PPP1R14C: variants seen among roughly 807,000 people sequenced by gnomAD.
PPP1R14C encodes the protein protein phosphatase 1 regulatory subunit 14C.
PPP1R14C carries 16 observed loss-of-function variants against 20.4 expected under a neutral mutation model. That is an observed-to-expected ratio of 0.78 (90% CI 0.53 to 1.19). The LOEUF (loss-of-function observed/expected upper bound fraction) is 1.19. Ranked by LOEUF, PPP1R14C falls within the 50% of genes most tolerant of loss-of-function variation. PPP1R14C has a pLI of 0.00. For missense variants in PPP1R14C, 211 were observed against 220.1 expected, an observed-to-expected ratio of 0.96 and a Z score of 0.26; for synonymous variants, 91 against 91.0, an observed-to-expected ratio of 1.00 and a Z score of 0.00.
In PPP1R14C at chr6:150,143,269, C is replaced by A. The variant is rs780915035; in HGVS notation, c.77C>A (p.Pro26His). Residue 26 changes from proline to histidine, a missense_variant, in exon 1 of 4, where the codon CCC (proline) becomes CAC (histidine). Physicochemically the swap from Pro to His is moderately conservative, Grantham distance 77. Transcript: ENST00000361131. The surrounding 1 kb of genome is among the most constrained non-coding windows in gnomAD (Gnocchi z 5.6). ...GGCGCACGGGTTTTCTTCCAAAGCC[C>A]CCGGGGTGGCGCCGGTGGCAGCCCC... Reference protein sequence around the residue: ...GGGARVFFQSPRGGAGGSPGS... With the variant: ...GGGARVFFQSHRGGAGGSPGS... The A allele has an allele frequency of 6.6e-7, 1 of 1,509,156 alleles. No homozygotes were observed. Among genetic ancestry groups the A allele is most frequent in the East Asian group, 2.7e-5 (1 of 36,806 alleles). 93.5% of individuals were successfully genotyped at this position (1,509,156 alleles called of 1,614,324 possible).
At chr6:150,191,319 G>A (rs1042906474) in intron 1 of PPP1R14C, among the ~76,000 whole-genome samples, 1 of 152,230 alleles carries the variant, frequency 6.6e-6, no homozygotes, top group African/African-American at 2.4e-5. Flanking sequence ...AAAGCTAGGA[G>A]TGCAAAGATT....
chr6:150,145,942 A>C (rs1320418720), intron 1 of PPP1R14C, among the ~76,000 whole-genome samples: 5 of 152,224 alleles, frequency 3.3e-5, no homozygotes, highest in South Asian at 2.1e-4. Flanking sequence ...AATAGAAAAT[A>C]ATCTTTTGGA....
At chr6:150,226,096 C>T (rs1319691598) in intron 3 of PPP1R14C, among the ~76,000 whole-genome samples, 1 of 151,926 alleles carries the variant, frequency 6.6e-6, no homozygotes, top group Admixed American at 6.6e-5. Context: ...ATATTCATTC[C>T]CCCCCCAAAT....
At chr6:150,246,239 G>A (rs13207323) in intron 3 of PPP1R14C, among the ~76,000 whole-genome samples, 3,487 of 151,806 alleles carry the variant, frequency 0.023, 55 homozygotes, top group Middle Eastern at 0.051. Context: ...TATTAAAATA[G>A]TGCAGAAAAA....
intron 3 of PPP1R14C, among the ~76,000 whole-genome samples, chr6:150,237,662 A>T (rs868223456): frequency 6.6e-6 from 1 of 152,228 alleles, no homozygotes; most frequent in Non-Finnish European, 1.5e-5. Flanking sequence ...TCATCTCATC[A>T]TTTAATCCTT....
At chr6:150,218,419 A>C (rs1778124571) in intron 3 of PPP1R14C, among the ~76,000 whole-genome samples, 2 of 151,928 alleles carry the variant, frequency 1.3e-5, no homozygotes, top group South Asian at 4.2e-4. Context: ...AAAAAGAAAA[A>C]AGAAAACAAT....
intron 1 of PPP1R14C, among the ~76,000 whole-genome samples, chr6:150,150,143 C>T (rs116115459): frequency 2.2e-3 from 332 of 152,296 alleles, no homozygotes; most frequent in African/African-American, 7.4e-3. Context: ...GGTGATATTC[C>T]TTTATCATAG....
intron 1 of PPP1R14C, among the ~76,000 whole-genome samples, chr6:150,162,045 TTTTC>T (rs1777374917): frequency 7.3e-6 from 1 of 137,786 alleles, no homozygotes; most frequent in South Asian, 2.6e-4. Flanking sequence ...CCTCCGTTTA[TTTTC>T]TTTTCTTTTT....
Position 150,204,455 on chromosome 6 carries a change from T to C in PPP1R14C, c.307-10289T>C, listed in dbSNP as rs377014554. On this transcript the variant is annotated intron_variant, in intron 1 of 3. Coordinates refer to ENST00000361131, the MANE Select transcript of PPP1R14C (RefSeq NM_030949.3). ...TGTGATAAGTCTTCACTTAACGATT[T>C]TCAGGCATCAGGAGTACACGATTCC... is the stretch of plus-strand genomic sequence containing the variant. 3.9e-5 allele frequency among the ~76,000 whole-genome samples: 6 copies of C among 152,350 alleles called. No individual in the cohort carries two copies. In the East Asian group the frequency reaches 5.8e-4, roughly 15 times the overall value.
intron 1 of PPP1R14C, among the ~76,000 whole-genome samples, chr6:150,190,640 C>T (rs969839103): frequency 5.9e-5 from 9 of 152,022 alleles, no homozygotes; most frequent in Non-Finnish European, 1.2e-4. Flanking sequence ...TTGGCCACGA[C>T]GGTCTTGATT....
chr6:150,236,649 G>A (rs1778364966), intron 3 of PPP1R14C, among the ~76,000 whole-genome samples: 1 of 151,976 alleles, frequency 6.6e-6, no homozygotes, highest in African/African-American at 2.4e-5. Flanking sequence ...GCGCGTGTGT[G>A]TGTTTAGCCA....
At chr6:150,237,836 T>G (rs1177777855) in intron 3 of PPP1R14C, among the ~76,000 whole-genome samples, 1 of 152,232 alleles carries the variant, frequency 6.6e-6, no homozygotes, top group Non-Finnish European at 1.5e-5. Context: ...CACTGCTTCT[T>G]ACCATGTGTG....
intron 1 of PPP1R14C, among the ~76,000 whole-genome samples, chr6:150,151,629 G>T (rs953155926): frequency 5.9e-5 from 9 of 152,196 alleles, no homozygotes; most frequent in African/African-American, 2.2e-4. Context: ...TGACAGCCAG[G>T]AGATTTATGC....
At chr6:150,181,916 C>A (rs1777625761) in intron 1 of PPP1R14C, among the ~76,000 whole-genome samples, 1 of 152,120 alleles carries the variant, frequency 6.6e-6, no homozygotes, top group South Asian at 2.1e-4. Flanking sequence ...AAATGATTTG[C>A]AGTATGTTTA....
At chr6:150,248,187 C>T (rs569090864) in intron 3 of PPP1R14C, among the ~76,000 whole-genome samples, 2 of 152,242 alleles carry the variant, frequency 1.3e-5, no homozygotes, top group Admixed American at 6.5e-5. Flanking sequence ...CTCCAAATGC[C>T]ATCAACATAT....
chr6:150,212,687 T>C (rs904756280), intron 1 of PPP1R14C, among the ~76,000 whole-genome samples: 3 of 152,198 alleles, frequency 2.0e-5, no homozygotes, highest in Non-Finnish European at 4.4e-5. Context: ...AGCATTTCAG[T>C]CAACAATGGA....
At chr6:150,211,351 AG>A (rs1778022574) in intron 1 of PPP1R14C, among the ~76,000 whole-genome samples, 1 of 152,216 alleles carries the variant, frequency 6.6e-6, no homozygotes, top group South Asian at 2.1e-4. Context: ...TACCAACAGG[AG>A]GGCCTCTCAC....
intron 1 of PPP1R14C, among the ~76,000 whole-genome samples, chr6:150,177,385 A>G (rs1457688053): frequency 1.3e-5 from 2 of 152,204 alleles, no homozygotes; most frequent in Non-Finnish European, 2.9e-5. Context: ...TGGGAAGGAA[A>G]CTATCTTGGT....
intron 3 of PPP1R14C, among the ~76,000 whole-genome samples, chr6:150,226,383 G>A (rs1778230553): frequency 6.6e-6 from 1 of 152,200 alleles, no homozygotes; most frequent in African/African-American, 2.4e-5. Flanking sequence ...GTATTTGCAT[G>A]ATCAGTAGTG....
Sources: gnomAD v4.1 joint callset for allele counts (sites outside exome capture counted in the v4.1 genomes callset) on GRCh38, gnomAD v4.1.1 for gene constraint, Gnocchi (gnomAD v3.1) non-coding constraint, MANE v1.5 for transcripts, NCBI Gene and HGNC (gene_info 2026-07-23, HGNC 2026-07-21) for gene names.